EPHA6: variants seen among roughly 807,000 people sequenced by gnomAD.
The protein encoded by EPHA6 is ephrin type-A receptor 6.
In EPHA6, 50 loss-of-function variants were observed where a neutral mutation model predicts 112.0. The ratio of observed to expected loss-of-function variants is 0.45; its 90% CI spans 0.36 to 0.56. The LOEUF is 0.56. Among genes scored for constraint, EPHA6 ranks in the 20% least tolerant of loss-of-function variants. EPHA6 has a pLI of 0.00. For synonymous variants in EPHA6, 529 were observed against 490.7 expected (o/e 1.08, Z -1.03); for missense variants, 1,280 against 1,417.4 (o/e 0.90, Z 1.56).
chr3:96,821,177 A>G (rs1333887792), intron 1 of EPHA6, among the ~76,000 whole-genome samples: 1 of 151,982 alleles, frequency 6.6e-6, no homozygotes, highest in Admixed American at 6.6e-5. Context: ...TAAAAATTTT[A>G]TATGACCAGT....
At chr3:97,521,923 CAAA>C (rs754123519) in intron 10 of EPHA6, among the ~76,000 whole-genome samples, 33 of 87,940 alleles carry the variant, frequency 3.8e-4, no homozygotes, top group African/African-American at 5.2e-4. Flanking sequence ...GAGCCTTTTT[CAAA>C]AAAAAAAAAA....
intron 3 of EPHA6, among the ~76,000 whole-genome samples, chr3:97,122,119 T>C (rs111923014): frequency 0.014 from 2,070 of 152,184 alleles, 32 homozygotes; most frequent in African/African-American, 0.046. Flanking sequence ...TATTTGATAA[T>C]ATTAGATTTT....
chr3:97,142,513 A>T (rs939147466), intron 3 of EPHA6, among the ~76,000 whole-genome samples: 2 of 152,044 alleles, frequency 1.3e-5, no homozygotes. Flanking sequence ...AATACAAAAC[A>T]TCATCAGAGA....
At chr3:97,497,963 C>CAACAG (rs1165198028) in intron 10 of EPHA6, among the ~76,000 whole-genome samples, 1 of 151,984 alleles carries the variant, frequency 6.6e-6, no homozygotes, top group Non-Finnish European at 1.5e-5. Context: ...TTCATGAGAA[C>CAACAG]AAGGCAACAG....
intron 2 of EPHA6, among the ~76,000 whole-genome samples, chr3:96,874,440 T>C (rs2036827202): frequency 6.6e-6 from 1 of 152,112 alleles, no homozygotes; most frequent in South Asian, 2.1e-4. Context: ...ATTGTGTCTT[T>C]TACATGTCTG....
Position 96,930,992 on chromosome 3 carries a change from CAAAAAA to C in EPHA6, c.451-56314_451-56309del, listed in dbSNP as rs754917681. Among the ~76,000 whole-genome samples, 278 of 34,774 alleles carry C rather than the reference CAAAAAA, an allele frequency of 8.0e-3. 4 individuals carry two copies. The highest frequency in any genetic ancestry group is 0.018 in the African/African-American group (241 of 13,370). 22.8% of individuals were successfully genotyped at this position (34,774 alleles called of 152,430 possible). A position where few individuals can be genotyped will look rare whatever the true frequency, so the allele number is the denominator to read the frequency against. The stretch of plus-strand genomic sequence containing the variant: ...GGGTGACAGAGTGAGACTCTGTCTC[CAAAAAA>C]AAAAAAAAAAAAAAAAAAAAAAAGA... On this transcript the variant is annotated intron_variant, in intron 2 of 17. Transcript: ENST00000389672.
chr3:96,907,114 A>T (rs1221372352), intron 2 of EPHA6, among the ~76,000 whole-genome samples: 1 of 151,930 alleles, frequency 6.6e-6, no homozygotes, highest in Non-Finnish European at 1.5e-5. Flanking sequence ...ATCTGCAGAA[A>T]TTAAAAAAAC....
chr3:97,058,598 G>A (rs560252678), intron 3 of EPHA6, among the ~76,000 whole-genome samples: 17 of 152,120 alleles, frequency 1.1e-4, no homozygotes, highest in South Asian at 1.0e-3. Context: ...CACCATGCCC[G>A]GCCTGGAGTA....
chr3:97,414,692 T>G (rs1294088579), intron 6 of EPHA6, among the ~76,000 whole-genome samples: 1 of 152,082 alleles, frequency 6.6e-6, no homozygotes, highest in Non-Finnish European at 1.5e-5. Context: ...TGAGGCTTCT[T>G]TGACCAGATA....
intron 10 of EPHA6, among the ~76,000 whole-genome samples, chr3:97,497,279 T>C (rs1412814179): frequency 1.3e-5 from 2 of 152,120 alleles, no homozygotes; most frequent in African/African-American, 4.8e-5. Flanking sequence ...AACAATGGTG[T>C]CATTCTTCCT....
intron 14 of EPHA6, among the ~76,000 whole-genome samples, chr3:97,706,773 C>T (rs2033698352): frequency 6.7e-6 from 1 of 150,134 alleles, no homozygotes; most frequent in African/African-American, 2.5e-5. Context: ...AGAACTGATC[C>T]CTCCTTTGTT....
At chr3:97,332,935 T>G (rs1009345035) in intron 5 of EPHA6, among the ~76,000 whole-genome samples, 4 of 152,124 alleles carry the variant, frequency 2.6e-5, no homozygotes, top group Non-Finnish European at 5.9e-5. Context: ...AAGATTTTTT[T>G]GACTATTGCA....
chr3:97,454,669 C>G (rs184582779), intron 7 of EPHA6, among the ~76,000 whole-genome samples: 1 of 151,658 alleles, frequency 6.6e-6, no homozygotes, highest in Non-Finnish European at 1.5e-5. Flanking sequence ...GGTAAAATGA[C>G]GATTTTGTTG....
At chr3:97,650,045 T>A (rs2094096501) in intron 14 of EPHA6, among the ~76,000 whole-genome samples, 1 of 152,190 alleles carries the variant, frequency 6.6e-6, no homozygotes. Context: ...ATACAAAAGA[T>A]ATATTCTTAA....
At chr3:97,418,781 T>C (rs2088349974) in intron 6 of EPHA6, among the ~76,000 whole-genome samples, 1 of 152,074 alleles carries the variant, frequency 6.6e-6, no homozygotes, top group Non-Finnish European at 1.5e-5. Flanking sequence ...AAAATACATG[T>C]ATAAAATAGT....
chr3:97,171,332 T>A (rs961072346), intron 3 of EPHA6, among the ~76,000 whole-genome samples: 6 of 152,138 alleles, frequency 3.9e-5, no homozygotes, highest in Non-Finnish European at 8.8e-5. Flanking sequence ...AGCTTAAACT[T>A]TTTTGAATCA....
intron 3 of EPHA6, among the ~76,000 whole-genome samples, chr3:97,028,654 A>G (rs941614833): frequency 4.6e-5 from 7 of 152,048 alleles, no homozygotes; most frequent in Non-Finnish European, 1.0e-4. Flanking sequence ...ATGATTTTTC[A>G]GTTTATTAAA....
intron 2 of EPHA6, among the ~76,000 whole-genome samples, chr3:96,960,425 G>T (rs890841523): frequency 1.4e-4 from 21 of 152,076 alleles, no homozygotes; most frequent in Non-Finnish European, 2.9e-5. Flanking sequence ...TTTGGCAATT[G>T]CATCAACCTT....
intron 6 of EPHA6, among the ~76,000 whole-genome samples, chr3:97,421,257 A>G (rs1028295186): frequency 3.3e-5 from 5 of 152,286 alleles, no homozygotes; most frequent in East Asian, 3.9e-4. Flanking sequence ...TCCAGATGAT[A>G]TGACTCTTTA....
Sources: allele counts gnomAD v4.1 joint callset (sites outside exome capture counted in the v4.1 genomes callset), GRCh38; gene constraint gnomAD v4.1.1; transcripts MANE v1.5; gene names NCBI Gene and HGNC (gene_info 2026-07-23, HGNC 2026-07-21).